The following SMARCA1 variants were observed in gnomAD, a reference collection of about 807,000 sequenced individuals.
SMARCA1 encodes the protein SWI/SNF-related matrix-associated actin-dependent regulator of chromatin subfamily A member 1.
A neutral mutation model predicts 93.6 loss-of-function variants in SMARCA1; 17 were observed. The ratio of observed to expected loss-of-function variants is 0.18; its 90% confidence interval spans 0.12 to 0.27. The LOEUF (loss-of-function observed/expected upper bound fraction) is 0.27. Ranked by LOEUF, SMARCA1 falls within the 10% of genes least tolerant of loss-of-function variation. SMARCA1 has a pLI of 1.00. For missense variants in SMARCA1, 630 were observed against 819.0 expected (o/e 0.77, Z 2.82); for synonymous variants, 271 against 271.4 (o/e 1.00, Z 0.01).
Position 129,521,797 on chromosome X carries a change from G to A in SMARCA1, c.174+1400C>T, listed in dbSNP as rs1413240522. On this transcript the variant is annotated intron_variant, in intron 1 of 24. Coordinates refer to ENST00000371121, the MANE Select transcript of SMARCA1 (RefSeq NM_001282874.2). ...ATTGTCTTACTAATCCAAGTACCGCGTAGATCTTACAATGTGTATGTTTTC... is the reference window on the plus strand; with the variant it reads ...ATTGTCTTACTAATCCAAGTACCGCATAGATCTTACAATGTGTATGTTTTC... Among the ~76,000 whole-genome samples, 8 of 112,241 alleles carry A rather than the reference G, an allele frequency of 7.1e-5. 1 individual carries two copies. The Admixed American group carries it at 7.5e-4, about 11-fold the overall frequency.
At chrX:129,491,843 A>G in intron 14 of SMARCA1, 98 bp downstream of exon 14, 2 of 576,455 alleles carry the variant, frequency 3.5e-6, no homozygotes, top group Non-Finnish European at 5.2e-6. Flanking sequence ...AATCTCTCAA[A>G]AATTGTTACC....
At chrX:129,485,262 G>C (rs1244238432) in intron 17 of SMARCA1, among the ~76,000 whole-genome samples, 1 of 112,421 alleles carries the variant, frequency 8.9e-6, no homozygotes, top group African/African-American at 3.2e-5. Context: ...CCCAGGATGG[G>C]GGAAACAGAG....
At chrX:129,504,961 T>A (rs942321688) in intron 8 of SMARCA1, among the ~76,000 whole-genome samples, 159 bp from the exon 9 acceptor site, 1 of 111,814 alleles carries the variant, frequency 8.9e-6, no homozygotes, top group Non-Finnish European at 1.9e-5. Context: ...CTTCTGAAAA[T>A]AGGTAAAATA....
At chrX:129,490,608 A>C (rs1347599160) in intron 14 of SMARCA1, among the ~76,000 whole-genome samples, 1 of 112,159 alleles carries the variant, frequency 8.9e-6, no homozygotes, top group Non-Finnish European at 1.9e-5. Context: ...AGGGATATGC[A>C]GTAAAGAGTT....
chrX:129,481,307 G>T, intron 17 of SMARCA1, 122 bp from the exon 18 acceptor site: 1 of 466,260 alleles, frequency 2.1e-6, no homozygotes, highest in Non-Finnish European at 3.6e-6. Context: ...ATCAAAACTT[G>T]CCTTATAAAT....
chrX:129,501,760 C>T (rs900444583), intron 9 of SMARCA1, among the ~76,000 whole-genome samples: 4 of 110,051 alleles, frequency 3.6e-5, no homozygotes, highest in Non-Finnish European at 7.6e-5. Flanking sequence ...ACTATAGGCG[C>T]GAGCCACCAC....
chrX:129,469,572 A>G (rs1933023879), intron 20 of SMARCA1, among the ~76,000 whole-genome samples: 1 of 112,204 alleles, frequency 8.9e-6, no homozygotes, highest in African/African-American at 3.2e-5. Flanking sequence ...GCCCCAACTC[A>G]CATAAATGTG....
At chrX:129,487,547 T>C (rs1346416920) in intron 16 of SMARCA1, among the ~76,000 whole-genome samples, 2 of 112,540 alleles carry the variant, frequency 1.8e-5, no homozygotes, top group Non-Finnish European at 3.8e-5. Context: ...ACTACAAAAT[T>C]CTTCTGAAAA....
At chrX:129,459,126 GA>G (rs1428376070) in intron 23 of SMARCA1, among the ~76,000 whole-genome samples, 2 of 112,453 alleles carry the variant, frequency 1.8e-5, no homozygotes. Flanking sequence ...TTGCTATTTA[GA>G]AAATACTGTA....
At chrX:129,490,774 A>AC (rs1319817010) in intron 14 of SMARCA1, among the ~76,000 whole-genome samples, 1 of 110,875 alleles carries the variant, frequency 9.0e-6, no homozygotes. Flanking sequence ...TAGAGCAAAT[A>AC]GGTAAAGGGA....
intron 3 of SMARCA1, 144 bp downstream of exon 3, chrX:129,516,187 A>G (rs6637614): frequency 0.1 from 63,507 of 627,670 alleles, 3,121 homozygotes; most frequent in East Asian, 0.36. Flanking sequence ...TCTTCAAAAC[A>G]TAATTATAAT....
chrX:129,454,733 G>A (rs1932506503), intron 23 of SMARCA1, among the ~76,000 whole-genome samples: 1 of 111,598 alleles, frequency 9.0e-6, no homozygotes, highest in African/African-American at 3.3e-5. Context: ...TGCCATGTTG[G>A]TGTGCTGCAC....
intron 5 of SMARCA1, among the ~76,000 whole-genome samples, chrX:129,513,844 T>C (rs1935097814): frequency 9.0e-6 from 1 of 111,377 alleles, no homozygotes; most frequent in Admixed American, 9.6e-5. Context: ...CAACCAGGGA[T>C]GAGTACTTAT....
intron 23 of SMARCA1, among the ~76,000 whole-genome samples, chrX:129,457,077 C>T (rs1932662906): frequency 1.8e-5 from 2 of 111,662 alleles, no homozygotes; most frequent in South Asian, 7.6e-4. Flanking sequence ...GAAGAAATTG[C>T]CACAGCCACC....
chrX:129,454,715 T>C (rs2124163498), intron 23 of SMARCA1, among the ~76,000 whole-genome samples: 1 of 112,107 alleles, frequency 8.9e-6, no homozygotes, highest in Admixed American at 9.4e-5. Context: ...GTTACATATG[T>C]ATACATGTGC....
chrX:129,502,353 C>T (rs1369043809), intron 9 of SMARCA1, among the ~76,000 whole-genome samples: 3 of 111,377 alleles, frequency 2.7e-5, no homozygotes, highest in Non-Finnish European at 5.6e-5. Flanking sequence ...GAAAAGCCCA[C>T]GAAAGGGACT....
intron 19 of SMARCA1, 102 bp from the exon 20 acceptor site, chrX:129,471,428 A>G (rs1602667104): frequency 1.9e-6 from 1 of 539,145 alleles, no homozygotes; most frequent in East Asian, 3.7e-5. Flanking sequence ...AAGAGTAAAC[A>G]ATATAAAATC....
chrX:129,480,206 C>A (rs1933587487), intron 19 of SMARCA1, among the ~76,000 whole-genome samples: 1 of 112,066 alleles, frequency 8.9e-6, no homozygotes, highest in Admixed American at 9.5e-5. Context: ...ACCAAAAGAT[C>A]ATTTTAAAAT....
At chrX:129,455,899 A>G (rs1655264824) in intron 23 of SMARCA1, among the ~76,000 whole-genome samples, 1 of 112,592 alleles carries the variant, frequency 8.9e-6, no homozygotes, top group Non-Finnish European at 1.9e-5. Context: ...GCAAGTGCTG[A>G]TGGAGAAGCT....
Sources: gnomAD v4.1 joint callset for allele counts (sites outside exome capture counted in the v4.1 genomes callset) on GRCh38, gnomAD v4.1.1 for gene constraint, MANE v1.5 for transcripts, NCBI Gene and HGNC (gene_info 2026-07-23, HGNC 2026-07-21) for gene names.